Variants in WDPCP observed in about 807,000 individuals in gnomAD.
WDPCP encodes WD repeat containing planar cell polarity effector, also known as WD repeat-containing and planar cell polarity effector protein fritz homolog.
Under a neutral mutation model 93.1 loss-of-function variants are expected in WDPCP, and 71 were observed. The ratio of observed to expected loss-of-function variants is 0.76; its 90% confidence interval spans 0.63 to 0.93. WDPCP has a LOEUF of 0.93. Ranked by LOEUF, WDPCP falls within the 40% of genes least tolerant of loss-of-function variation. The probability of loss-of-function intolerance (pLI) is 0.00; values close to 1 mark genes in which losing one functional copy is unlikely to be tolerated. For missense variants in WDPCP, 844 were observed against 887.4 expected, an observed-to-expected ratio of 0.95 and a Z score of 0.62; for synonymous variants, 315 against 315.0, an observed-to-expected ratio of 1.00 and a Z score of 0.00.
intron 1 of WDPCP, among the ~76,000 whole-genome samples, chr2:63,567,884 A>T (rs1265044967): frequency 6.6e-6 from 1 of 152,204 alleles, no homozygotes; most frequent in East Asian, 1.9e-4. Flanking sequence ...TGAATAAATA[A>T]TTTTTTATAT....
At chr2:63,206,057 T>G (rs954455781) in intron 14 of WDPCP, among the ~76,000 whole-genome samples, 9 of 152,230 alleles carry the variant, frequency 5.9e-5, no homozygotes, top group Non-Finnish European at 8.8e-5. Context: ...ATCAAATGCT[T>G]TTTTGGCATC....
chr2:63,299,590 T>C (rs1259879385), intron 13 of WDPCP, among the ~76,000 whole-genome samples: 1 of 152,202 alleles, frequency 6.6e-6, no homozygotes, highest in Non-Finnish European at 1.5e-5. Flanking sequence ...TGGGCATTCA[T>C]AGACTTTGGT....
At chr2:63,357,183 A>G (rs1690081769) in intron 12 of WDPCP, among the ~76,000 whole-genome samples, 1 of 152,242 alleles carries the variant, frequency 6.6e-6, no homozygotes, top group African/African-American at 2.4e-5. Flanking sequence ...AAGACAACCT[A>G]GGCAATACCA....
intron 2 of WDPCP, among the ~76,000 whole-genome samples, chr2:63,658,574 A>G (rs262509): frequency 0.81 from 123,901 of 152,200 alleles, 51,025 homozygotes; most frequent in East Asian, 0.98. Flanking sequence ...CAAAATTTAT[A>G]TTTATTCTTA....
intron 8 of WDPCP, among the ~76,000 whole-genome samples, chr2:63,437,064 C>A (rs772887121): frequency 6.6e-6 from 1 of 151,954 alleles, no homozygotes; most frequent in Non-Finnish European, 1.5e-5. Flanking sequence ...AGAAAGCTAT[C>A]CTACCCTAGA....
chr2:63,556,384 G>T (rs1387690995), intron 1 of WDPCP, among the ~76,000 whole-genome samples: 2 of 152,208 alleles, frequency 1.3e-5, no homozygotes, highest in Non-Finnish European at 2.9e-5. Context: ...TGGGGTACCT[G>T]AAAGAGATAA....
intron 12 of WDPCP, among the ~76,000 whole-genome samples, chr2:63,336,895 CTTT>C (rs70965120): frequency 8.2e-6 from 1 of 122,332 alleles, no homozygotes. Context: ...ATGAGAGTCA[CTTT>C]TTTTTTTTTT....
At chr2:63,541,629 T>C (rs1416517456) in intron 1 of WDPCP, among the ~76,000 whole-genome samples, 2 of 152,180 alleles carry the variant, frequency 1.3e-5, no homozygotes, top group African/African-American at 4.8e-5. Context: ...TCTGCCCTTA[T>C]TTCCCCCTTC....
intron 1 of WDPCP, among the ~76,000 whole-genome samples, chr2:63,530,842 T>C (rs1200704323): frequency 1.3e-5 from 2 of 151,872 alleles, no homozygotes; most frequent in African/African-American, 2.4e-5. Context: ...CTGGGACTTA[T>C]TGGACAGTGG....
intron 2 of WDPCP, among the ~76,000 whole-genome samples, chr2:63,740,342 A>G (rs183445131): frequency 4.1e-4 from 62 of 152,188 alleles, no homozygotes; most frequent in African/African-American, 1.4e-3. Context: ...CATTGTTTCC[A>G]ACACTTTGGA....
chr2:63,347,426 C>A (rs1379409423), intron 12 of WDPCP, among the ~76,000 whole-genome samples: 5 of 152,222 alleles, frequency 3.3e-5, no homozygotes, highest in African/African-American at 1.2e-4. Flanking sequence ...AATCTGGCAA[C>A]CCTTAACTTG....
At chr2:63,550,570 T>C (rs1014208080) in intron 1 of WDPCP, among the ~76,000 whole-genome samples, 1 of 151,960 alleles carries the variant, frequency 6.6e-6, no homozygotes, top group Non-Finnish European at 1.5e-5. Flanking sequence ...TTCTGTCTAA[T>C]ATTCCTCAAA....
chr2:63,556,663 C>T (rs1484227812), intron 1 of WDPCP, among the ~76,000 whole-genome samples: 1 of 151,824 alleles, frequency 6.6e-6, no homozygotes, highest in East Asian at 1.9e-4. Context: ...TTTTAGTTTT[C>T]AGAACACCAG....
chr2:63,179,425 T>G (rs1195234420), intron 14 of WDPCP, among the ~76,000 whole-genome samples: 3 of 151,920 alleles, frequency 2.0e-5, no homozygotes, highest in African/African-American at 7.3e-5. Flanking sequence ...CTTGGTGCTG[T>G]CTTTGCAATA....
intron 1 of WDPCP, among the ~76,000 whole-genome samples, chr2:63,548,591 A>G (rs1705328752): frequency 6.6e-6 from 1 of 152,212 alleles, no homozygotes; most frequent in South Asian, 2.1e-4. Context: ...TGGACATTAA[A>G]AAATCAAATG....
intron 1 of WDPCP, among the ~76,000 whole-genome samples, chr2:63,550,751 A>G (rs557718261): frequency 4.1e-4 from 60 of 144,692 alleles, no homozygotes; most frequent in African/African-American, 1.4e-3. Flanking sequence ...ATGTATGTGT[A>G]TATATATACA....
intron 11 of WDPCP, among the ~76,000 whole-genome samples, chr2:63,379,099 G>C (rs1247004329): frequency 6.6e-6 from 1 of 152,060 alleles, no homozygotes; most frequent in African/African-American, 2.4e-5. Context: ...GAGGAAACAA[G>C]GACTGGAGAG....
At chr2:63,754,449 G>T (rs541339644) in intron 2 of WDPCP, among the ~76,000 whole-genome samples, 2 of 152,318 alleles carry the variant, frequency 1.3e-5, no homozygotes, top group East Asian at 3.9e-4. Flanking sequence ...CAATATTTTT[G>T]ATAGTGTTTG....
intron 2 of WDPCP, among the ~76,000 whole-genome samples, chr2:63,803,487 T>C (rs763124901): frequency 1.3e-5 from 2 of 152,180 alleles, no homozygotes; most frequent in Non-Finnish European, 2.9e-5. Context: ...TTTGGCTCTC[T>C]ACCTAAGTAA....
Sources: gnomAD v4.1 joint callset for allele counts (sites outside exome capture counted in the v4.1 genomes callset) on GRCh38, gnomAD v4.1.1 for gene constraint, MANE v1.5 for transcripts, NCBI Gene and HGNC (gene_info 2026-07-23, HGNC 2026-07-21) for gene names.